Variants in AGBL1 observed in about 807,000 individuals in gnomAD.
AGBL1 encodes the protein AGBL carboxypeptidase 1.
In AGBL1, 130 loss-of-function variants were observed where a neutral mutation model predicts 118.9. The observed-to-expected ratio is 1.09, with a 90% CI of 0.95 to 1.26. AGBL1 has a LOEUF of 1.26. AGBL1 is among the 50% of genes most tolerant of loss of function. AGBL1 has a pLI of 0.00. For synonymous variants in AGBL1, 555 were observed against 478.9 expected, an observed-to-expected ratio of 1.16 and a Z score of -2.08; for missense variants, 1,584 against 1,298.1, an observed-to-expected ratio of 1.22 and a Z score of -3.38.
intron 24 of AGBL1, among the ~76,000 whole-genome samples, chr15:86,996,823 T>C (rs567735566): frequency 7.2e-5 from 11 of 152,254 alleles, no homozygotes; most frequent in African/African-American, 2.6e-4. Context: ...AAAATTTTTA[T>C]TTAAACCAAA....
chr15:86,406,870 A>G (rs945695115), intron 18 of AGBL1, among the ~76,000 whole-genome samples: 6 of 152,214 alleles, frequency 3.9e-5, no homozygotes, highest in African/African-American at 9.6e-5. Context: ...ATTAATGTAA[A>G]CAATTCTTCA....
chr15:86,264,811 T>C lies in AGBL1; in HGVS notation c.1640T>C (p.Met547Thr), dbSNP rs778880442. Residue 547 changes from methionine (M) to threonine (T), a missense_variant, in exon 11 of 23, where the codon ATG becomes ACG. Physicochemically the swap from Met to Thr is moderately conservative, Grantham distance 81. Transcript: ENST00000614907. ...TGTCCCCCTCCCACCACCCAGCCTA[T>C]GTTGGAACGAAAATGTGGAGTCCAA... Reference protein sequence around the residue: ...GHCPPPTTQPMLERKCGVQRI... With the variant: ...GHCPPPTTQPTLERKCGVQRI... 27 of 1,609,702 alleles carry C rather than the reference T, an allele frequency of 1.7e-5. No homozygotes were observed. The highest frequency in any genetic ancestry group is 2.3e-5 in the Non-Finnish European group (27 of 1,178,444).
intron 18 of AGBL1, among the ~76,000 whole-genome samples, chr15:86,478,712 C>T (rs545962310): frequency 6.6e-6 from 1 of 152,218 alleles, no homozygotes; most frequent in South Asian, 2.1e-4. Flanking sequence ...TGACTTTCTT[C>T]ACAGAATTGG....
chr15:86,259,289 T>G (rs1248950680), intron 9 of AGBL1, among the ~76,000 whole-genome samples: 1 of 152,208 alleles, frequency 6.6e-6, no homozygotes, highest in East Asian at 1.9e-4. Flanking sequence ...AATAAGAATT[T>G]GTCTGTGAAT....
chr15:86,105,502 T>C (rs1364001732), intron 1 of AGBL1, among the ~76,000 whole-genome samples: 1 of 152,224 alleles, frequency 6.6e-6, no homozygotes, highest in Non-Finnish European at 1.5e-5. Flanking sequence ...ACCAGGAGGC[T>C]TCTTGGCCTC....
chr15:86,227,938 G>C (rs2078393209), intron 6 of AGBL1, among the ~76,000 whole-genome samples: 1 of 152,196 alleles, frequency 6.6e-6, no homozygotes, highest in South Asian at 2.1e-4. Context: ...CTGAGATCAT[G>C]TTTAAGCTCA....
intron 21 of AGBL1, among the ~76,000 whole-genome samples, chr15:86,658,142 T>C (rs2085489569): frequency 6.6e-6 from 1 of 152,114 alleles, no homozygotes; most frequent in Non-Finnish European, 1.5e-5. Flanking sequence ...AAAATCCAGG[T>C]TGGGTTGGAT....
intron 1 of AGBL1, among the ~76,000 whole-genome samples, chr15:86,092,535 T>C (rs537844389): frequency 6.0e-4 from 91 of 152,260 alleles, no homozygotes; most frequent in African/African-American, 2.0e-3. Context: ...TTGTAATGGA[T>C]TGAAGTCAAG....
chr15:86,165,764 C>T (rs908208689), intron 5 of AGBL1, among the ~76,000 whole-genome samples: 6 of 152,050 alleles, frequency 3.9e-5, no homozygotes, highest in African/African-American at 1.2e-4. Flanking sequence ...CTCCAGAGCA[C>T]TCCAATTCAA....
intron 6 of AGBL1, among the ~76,000 whole-genome samples, chr15:86,235,645 TC>T (rs1200390189): frequency 6.6e-6 from 1 of 152,228 alleles, no homozygotes; most frequent in Non-Finnish European, 1.5e-5. Context: ...CCTAGCACCT[TC>T]TAATAACAGC....
chr15:86,188,458 A>G (rs1049732923), intron 5 of AGBL1, among the ~76,000 whole-genome samples: 3 of 152,242 alleles, frequency 2.0e-5, no homozygotes, highest in African/African-American at 7.2e-5. Flanking sequence ...GACTTTGCTC[A>G]TCTATCTACA....
intron 24 of AGBL1, among the ~76,000 whole-genome samples, chr15:87,023,644 A>G (rs1177557593): frequency 1.3e-5 from 2 of 152,124 alleles, no homozygotes; most frequent in Admixed American, 6.6e-5. Context: ...CTTAACAGAT[A>G]TATACAGAAC....
intron 18 of AGBL1, among the ~76,000 whole-genome samples, chr15:86,424,726 A>C (rs1392797539): frequency 6.6e-6 from 1 of 152,226 alleles, no homozygotes; most frequent in African/African-American, 2.4e-5. Context: ...AAAAGTGGGC[A>C]AAGGATGTGA....
intron 18 of AGBL1, among the ~76,000 whole-genome samples, chr15:86,494,547 A>G (rs1567023655): frequency 1.3e-5 from 2 of 152,038 alleles, no homozygotes; most frequent in Non-Finnish European, 1.5e-5. Flanking sequence ...GAGGAACTCA[A>G]CTTTCTCCTC....
At chr15:86,782,047 C>A (rs1321846373) in intron 22 of AGBL1, among the ~76,000 whole-genome samples, 3 of 151,978 alleles carry the variant, frequency 2.0e-5, no homozygotes, top group African/African-American at 4.8e-5. Context: ...GTCTTTTAAT[C>A]TACAAAAATT....
chr15:86,497,807 G>A (rs1350629998), intron 18 of AGBL1, among the ~76,000 whole-genome samples: 3 of 151,858 alleles, frequency 2.0e-5, no homozygotes, highest in African/African-American at 4.8e-5. Context: ...TTTTTCTCAT[G>A]TAAATTGCCT....
intron 17 of AGBL1, among the ~76,000 whole-genome samples, chr15:86,371,369 T>A (rs1048574666): frequency 2.0e-4 from 30 of 152,134 alleles, no homozygotes; most frequent in African/African-American, 6.8e-4. Flanking sequence ...GCTGCCTGCA[T>A]AATTTTGTGC....
At chr15:86,657,117 T>C (rs1379754995) in intron 21 of AGBL1, among the ~76,000 whole-genome samples, 1 of 152,166 alleles carries the variant, frequency 6.6e-6, no homozygotes, top group Non-Finnish European at 1.5e-5. Context: ...TCAGTGTGAT[T>C]TCTTTTGCTA....
At chr15:86,711,064 T>C (rs763840975) in intron 22 of AGBL1, among the ~76,000 whole-genome samples, 2 of 152,138 alleles carry the variant, frequency 1.3e-5, no homozygotes, top group Non-Finnish European at 2.9e-5. Context: ...CCTGATCACA[T>C]AGGACTCTAG....
Sources: allele counts gnomAD v4.1 joint callset (sites outside exome capture counted in the v4.1 genomes callset), GRCh38; gene constraint gnomAD v4.1.1; transcripts MANE v1.5; gene names NCBI Gene and HGNC (gene_info 2026-07-23, HGNC 2026-07-21).